The following ASAP3 variants were observed in gnomAD, a reference collection of about 807,000 sequenced individuals.
ASAP3 encodes ArfGAP with SH3 domain, ankyrin repeat and PH domain 3, also known as arf-GAP with SH3 domain, ANK repeat and PH domain-containing protein 3.
ASAP3 carries 85 observed loss-of-function variants against 118.2 expected under a neutral mutation model. The observed-to-expected ratio is 0.72, with a 90% CI of 0.60 to 0.86. The LOEUF (loss-of-function observed/expected upper bound fraction) is 0.86. Among genes scored for constraint, ASAP3 ranks in the 40% least tolerant of loss-of-function variants. The pLI is 0.00. For synonymous variants in ASAP3, 432 were observed against 477.4 expected (o/e 0.90, Z 1.24); for missense variants, 1,026 against 1,175.0 (o/e 0.87, Z 1.85).
At chr1:23,451,662 T>G (rs1641219236) in intron 4 of ASAP3, 134 bp from the exon 5 acceptor site, 1 of 952,182 alleles carries the variant, frequency 1.1e-6, no homozygotes, top group Non-Finnish European at 1.6e-6. Context: ...AACCAGCCCC[T>G]GCCCCCACAG....
rs1457144624 is a variant in ASAP3 at position 23,484,149 on chromosome 1, G to A, written c.-16C>T. 2 of 1,259,034 alleles carry A rather than the reference G, an allele frequency of 1.6e-6. No homozygotes were observed. Among genetic ancestry groups the A allele is most frequent in the African/African-American group, 1.6e-5 (1 of 64,328 alleles). The allele number at this position is 1,259,034 out of a possible 1,614,324, so 78.0% of individuals were successfully genotyped here. On this transcript the variant is annotated 5_prime_UTR_variant, in exon 1 of 25. Coordinates refer to ENST00000336689, the MANE Select transcript of ASAP3 (RefSeq NM_017707.4). ...GCTCCGGCATGGCGGGCGCGAGCGTGGAGCTGCCGGAGCGGGGCGCGGGGG... is the reference window on the plus strand; with the variant it reads ...GCTCCGGCATGGCGGGCGCGAGCGTAGAGCTGCCGGAGCGGGGCGCGGGGG...
intron 5 of ASAP3, among the ~76,000 whole-genome samples, chr1:23,446,569 C>T (rs1237937929): frequency 2.0e-5 from 3 of 151,852 alleles, no homozygotes; most frequent in Non-Finnish European, 2.9e-5. Flanking sequence ...TCCCAAGTAG[C>T]TGGGATTACA....
intron 21 of ASAP3, 43 bp downstream of exon 21, chr1:23,433,382 C>T (rs760024993): frequency 6.2e-7 from 1 of 1,613,848 alleles, no homozygotes; most frequent in Non-Finnish European, 8.5e-7. Context: ...CTGGCTCTTT[C>T]CTTCTGCCAT....
At chr1:23,451,879 G>A (rs946671183) in intron 4 of ASAP3, among the ~76,000 whole-genome samples, 2 of 152,168 alleles carry the variant, frequency 1.3e-5, no homozygotes, top group Non-Finnish European at 2.9e-5. Flanking sequence ...CCATGAGGAT[G>A]GGAGGATGAA....
At chr1:23,430,368 AC>A (rs1440323383) in intron 24 of ASAP3, among the ~76,000 whole-genome samples, 1 of 152,130 alleles carries the variant, frequency 6.6e-6, no homozygotes, top group East Asian at 1.9e-4. Context: ...CTTTCCCAAC[AC>A]AACTGGCTCT....
rs778007836 is a variant in ASAP3, at chr1:23,436,510, G to A, written c.1571+50C>T. ...CTTTTCTACGACCCTGGACACTGCGGAGGCAGAATCCCCTAGGCAGGGTGC... is the reference window on the plus strand; with the variant it reads ...CTTTTCTACGACCCTGGACACTGCGAAGGCAGAATCCCCTAGGCAGGGTGC... On this transcript the variant is annotated intron_variant, in intron 16 of 24. Transcript: ENST00000336689. The surrounding 1 kb of genome is among the most constrained non-coding windows in gnomAD (Gnocchi z 4.2). The A allele has an allele frequency of 3.2e-6, 5 of 1,587,176 alleles. No individual in the cohort carries two copies. In the African/African-American group the frequency reaches 6.7e-5, roughly 21 times the overall value.
At position 23,442,474 on chromosome 1, in the gene ASAP3, C is replaced by G. The variant is rs766593455; in HGVS notation, c.585+27G>C. On this transcript the variant is annotated intron_variant, in intron 6 of 24. Transcript: ENST00000336689. ...GACAGGAAGACACATCCCACGCCCC[C>G]CCTCCCTCATCCAGAGCACCCCTTA... 14 of 1,607,916 alleles carry G rather than the reference C, an allele frequency of 8.7e-6. No homozygotes were observed. In the Admixed American group the frequency reaches 1.5e-4, roughly 17 times the overall value.
Position 23,433,073 on chromosome 1 carries a change from G to T in ASAP3, c.2323+4C>A. 6.2e-7 allele frequency: 1 copy of T among 1,613,558 alleles called. No individual in the cohort carries two copies. Among genetic ancestry groups the T allele is most frequent in the Non-Finnish European group, 8.5e-7 (1 of 1,179,878 alleles). ...TGAGCATTTATCTGGGCATCCAACT[G>T]TACCTCCACTGGCATGTCTTGCACA... On this transcript the variant is annotated splice_donor_region_variant and intron_variant, in intron 22 of 24. Transcript: ENST00000336689.
chr1:23,461,810 T>C (rs951937766), intron 1 of ASAP3, among the ~76,000 whole-genome samples: 17 of 152,228 alleles, frequency 1.1e-4, no homozygotes, highest in African/African-American at 3.9e-4. Context: ...CCATTTGTTA[T>C]GGATGGCGGA....
chr1:23,446,638 A>G (rs1641056179), intron 5 of ASAP3, among the ~76,000 whole-genome samples: 1 of 151,982 alleles, frequency 6.6e-6, no homozygotes, highest in African/African-American at 2.4e-5. Context: ...GGGTTTCACA[A>G]TGTGTTTCAG....
intron 1 of ASAP3, among the ~76,000 whole-genome samples, chr1:23,481,120 C>T (rs1642292147): frequency 6.6e-6 from 1 of 152,154 alleles, no homozygotes; most frequent in Non-Finnish European, 1.5e-5. Flanking sequence ...AGTCTCTTGG[C>T]CTCTCTGGAC....
chr1:23,437,317 C>G lies in ASAP3; in HGVS notation c.1155G>C (p.Trp385Cys). ...CCTTGCTGTTCTGCAACACTGACAC[C>G]CACCTGCGGAGATTGAACGGGGTGG... ...QAEDEHECEAWVSVLQNSKDE... is the reference protein window; with the variant it reads ...QAEDEHECEACVSVLQNSKDE... The change falls in exon 14 of 25, where the codon TGG becomes TGC. Residue 385 changes from tryptophan (W) to cysteine (C), a missense_variant. Trp to Cys is a radical substitution (Grantham distance 215). Coordinates refer to ENST00000336689, the MANE Select transcript of ASAP3 (RefSeq NM_017707.4). The surrounding 1 kb of genome is among the most constrained non-coding windows in gnomAD (Gnocchi z 6.1). 1 of 1,608,468 alleles carries G rather than the reference C, an allele frequency of 6.2e-7. No homozygotes were observed. The highest frequency in any genetic ancestry group is 8.5e-7 in the Non-Finnish European group (1 of 1,176,614).
intron 4 of ASAP3, among the ~76,000 whole-genome samples, chr1:23,451,904 T>A (rs1641228164): frequency 6.6e-6 from 1 of 152,186 alleles, no homozygotes; most frequent in South Asian, 2.1e-4. Context: ...AAATTCCCCC[T>A]GCCTAACTTT....
rs1640646615 is a variant in ASAP3, at chr1:23,436,173, G to GC, written c.1572-146dup. On this transcript the variant is annotated intron_variant, in intron 16 of 24. Coordinates refer to ENST00000336689, the MANE Select transcript of ASAP3 (RefSeq NM_017707.4). This position sits in a 1 kb window ranked among gnomAD's most constrained non-coding sequence, Gnocchi z 4.2. The stretch of plus-strand genomic sequence containing the variant: ...AGATCTGAGGCTCCCCTCTCCCCAG[G>GC]CTTTTTTTTTAGACAGTCTCACTCT... 1.1e-6 allele frequency: 1 copy of GC among 916,072 alleles called. No homozygotes were observed. Among genetic ancestry groups the GC allele is most frequent in the Non-Finnish European group, 1.6e-6 (1 of 615,190 alleles). The allele number at this position is 916,072 out of a possible 1,614,324, so 56.7% of individuals were successfully genotyped here.
chr1:23,471,903 T>C (rs1282648845), intron 1 of ASAP3, among the ~76,000 whole-genome samples: 1 of 152,210 alleles, frequency 6.6e-6, no homozygotes, highest in Non-Finnish European at 1.5e-5. Flanking sequence ...CCTGGTGTGT[T>C]TGTTTTTCCT....
At position 23,437,243 on chromosome 1, in the gene ASAP3, C is replaced by G. The variant is rs1203916884; in HGVS notation, c.1229G>C (p.Gly410Ala). Reference protein sequence around the residue: ...AFLGEPSAGPGSWGSAGHDGE... With the variant: ...AFLGEPSAGPASWGSAGHDGE... ...ATCATGGCCGGCGGACCCCCAGGAC[C>G]CCGGGCCAGCGCTGGGCTCCCCGAG... The change falls in exon 14 of 25, where the codon GGG (glycine) becomes GCG (alanine). Residue 410 changes from glycine to alanine, a missense_variant. Gly to Ala is a moderately conservative substitution (Grantham distance 60). Transcript: ENST00000336689. This position sits in a 1 kb window ranked among gnomAD's most constrained non-coding sequence, Gnocchi z 6.1. The G allele has an allele frequency of 1.3e-6, 2 of 1,591,082 alleles. No individual in the cohort carries two copies. The highest frequency in any genetic ancestry group is 1.3e-5 in the African/African-American group (1 of 74,678).
Sources: gnomAD v4.1 joint callset for allele counts (sites outside exome capture counted in the v4.1 genomes callset) on GRCh38, gnomAD v4.1.1 for gene constraint, Gnocchi (gnomAD v3.1) non-coding constraint, MANE v1.5 for transcripts, NCBI Gene and HGNC (gene_info 2026-07-23, HGNC 2026-07-21) for gene names.